The following GALNT9 variants were observed in gnomAD, a reference collection of about 807,000 sequenced individuals.
GALNT9 encodes GalNAc transferase 9.
Under a neutral mutation model 63.1 loss-of-function variants are expected in GALNT9, and 47 were observed. That is an observed-to-expected ratio of 0.75 (90% CI 0.59 to 0.95). The LOEUF (loss-of-function observed/expected upper bound fraction) is 0.95. GALNT9 is among the 40% of genes least tolerant of loss of function. The probability of loss-of-function intolerance (pLI) is 0.00; values close to 1 mark genes in which losing one functional copy is unlikely to be tolerated. For missense variants in GALNT9, 829 were observed against 874.8 expected (o/e 0.95, Z 0.66); for synonymous variants, 396 against 365.7 (o/e 1.08, Z -0.94).
At chr12:132,205,526 G>A (rs2081566497) in intron 6 of GALNT9, 1 of 151,742 alleles carries the variant, frequency 6.6e-6, no homozygotes, top group African/African-American at 2.4e-5. Flanking sequence ...AGCCCAGCCG[G>A]GGACACCCCC....
At chr12:132,224,801 C>CA (rs1593071647) in intron 6 of GALNT9, among the ~76,000 whole-genome samples, 1,739 of 147,216 alleles carry the variant, frequency 0.012, 32 homozygotes, top group East Asian at 0.057. Flanking sequence ...CATACACACA[C>CA]CCCACACACA....
At chr12:132,204,895 T>C (rs1195161047) in intron 6 of GALNT9, among the ~76,000 whole-genome samples, 2 of 151,840 alleles carry the variant, frequency 1.3e-5, no homozygotes, top group Non-Finnish European at 2.9e-5. Flanking sequence ...GCTGGACGAG[T>C]GTGCCAGGCC....
intron 5 of GALNT9, 27 bp from the exon 6 acceptor site, chr12:132,248,054 G>A: frequency 6.5e-7 from 1 of 1,537,352 alleles, no homozygotes; most frequent in Non-Finnish European, 8.8e-7. Context: ...GCGGCGTGAG[G>A]ACCTCGCCAT....
rs1263846222 is a variant in GALNT9 at position 132,305,606 on chromosome 12, C to T, written c.239-19176G>A. On this transcript the variant is annotated intron_variant, in intron 1 of 10. Coordinates refer to ENST00000328957, the MANE Select transcript of GALNT9 (RefSeq NM_001122636.2). ...GCCCTCACCCGGGCACAACCTCACC[C>T]GGGCACACCCTCACCCGGGCACACC... Among the ~76,000 whole-genome samples, 14 of 141,628 alleles carry T rather than the reference C, an allele frequency of 9.9e-5. 1 individual carries two copies. In the East Asian group the frequency reaches 2.6e-3, roughly 26 times the overall value. 92.9% of individuals were successfully genotyped at this position (141,628 alleles called of 152,430 possible). A position where few individuals can be genotyped will look rare whatever the true frequency, so the allele number is the denominator to read the frequency against.
chr12:132,197,532 T>G (rs1875603068), intron 10 of GALNT9, among the ~76,000 whole-genome samples: 1 of 152,220 alleles, frequency 6.6e-6, no homozygotes, highest in South Asian at 2.1e-4. Context: ...CACCTGAGGC[T>G]GGAAGAGGCA....
intron 6 of GALNT9, among the ~76,000 whole-genome samples, chr12:132,235,523 G>A (rs1335468492): frequency 2.0e-5 from 3 of 152,044 alleles, no homozygotes; most frequent in Non-Finnish European, 2.9e-5. Flanking sequence ...AAAGGTACCC[G>A]ACCTCTTTCC....
chr12:132,201,374 C>G, intron 7 of GALNT9, 113 bp from the exon 8 acceptor site: 1 of 674,896 alleles, frequency 1.5e-6, no homozygotes, highest in Non-Finnish European at 2.6e-6. Flanking sequence ...GAGCAGCCTC[C>G]CCCCCAGTAT....
intron 6 of GALNT9, among the ~76,000 whole-genome samples, chr12:132,226,029 C>T (rs1213094292): frequency 5.6e-5 from 8 of 141,764 alleles, no homozygotes; most frequent in South Asian, 2.4e-4. Context: ...ACCCCACATA[C>T]ACCCCATACA....
At chr12:132,197,361 G>A (rs1875588938) in intron 10 of GALNT9, 108 bp from the exon 11 acceptor site, 7 of 1,490,616 alleles carry the variant, frequency 4.7e-6, no homozygotes, top group African/African-American at 1.4e-5. Flanking sequence ...TCATTCTTGG[G>A]GCAGCTTGAA....
intron 1 of GALNT9, among the ~76,000 whole-genome samples, chr12:132,301,489 T>C (rs28469718): frequency 0.28 from 42,261 of 152,214 alleles, 6,767 homozygotes; most frequent in East Asian, 0.43. Context: ...CCGGGGCACA[T>C]AAAGGGTCCC....
chr12:132,328,819 CG>C (rs1869155380), intron 1 of GALNT9, 146 bp downstream of exon 1: 1 of 1,013,288 alleles, frequency 9.9e-7, no homozygotes, highest in Non-Finnish European at 1.3e-6. Flanking sequence ...GGGGCTTCCG[CG>C]GCCCTTCCCT....
Position 132,197,785 on chromosome 12 carries a change from G to A in GALNT9, c.1665+7C>T. 1 of 1,532,618 alleles carries A rather than the reference G, an allele frequency of 6.5e-7. No homozygotes were observed. The highest frequency in any genetic ancestry group is 8.9e-7 in the Non-Finnish European group (1 of 1,127,700). 94.9% of individuals were successfully genotyped at this position (1,532,618 alleles called of 1,614,324 possible). A position where few individuals can be genotyped will look rare whatever the true frequency, so the allele number is the denominator to read the frequency against. Reference sequence around the variant, plus strand: ...AACCCCACGGCCCCCCTTCCCCAGAGGCTGACCTGGGTGAAGTCCCACAGC... The same window carrying A: ...AACCCCACGGCCCCCCTTCCCCAGAAGCTGACCTGGGTGAAGTCCCACAGC... On this transcript the variant is annotated splice_region_variant and intron_variant, in intron 10 of 10. Coordinates refer to ENST00000328957, the MANE Select transcript of GALNT9 (RefSeq NM_001122636.2).
chr12:132,216,061 G>A (rs1163293160), intron 6 of GALNT9, among the ~76,000 whole-genome samples: 1 of 152,112 alleles, frequency 6.6e-6, no homozygotes, highest in African/African-American at 2.4e-5. Flanking sequence ...GATAGACAGA[G>A]ACATAGAGAG....
intron 5 of GALNT9, among the ~76,000 whole-genome samples, chr12:132,249,715 C>G (rs1170313362): frequency 1.3e-5 from 2 of 152,204 alleles, no homozygotes; most frequent in Non-Finnish European, 2.9e-5. Context: ...TTTATTATTG[C>G]TCAGAGTTCT....
Position 132,260,967 on chromosome 12 carries a change from C to T in GALNT9, c.742G>A (p.Val248Ile), listed in dbSNP as rs782623953. The change falls in exon 4 of 11, where the codon GTC (valine) becomes ATC (isoleucine). Residue 248 changes from valine to isoleucine, a missense_variant. Coordinates refer to ENST00000328957, the MANE Select transcript of GALNT9 (RefSeq NM_001122636.2). The part of the protein sequence containing the change: ...APVVGFFDAH[V>I]EFNTGWAEPA... The stretch of plus-strand genomic sequence containing the variant: ...CCTTACCAGCCCGTGTTGAACTCGA[C>T]GTGGGCATCAAAGAAGCCGACGACT... 2.6e-4 allele frequency: 400 copies of T among 1,545,990 alleles called. No individual in the cohort carries two copies. The highest frequency in any genetic ancestry group is 3.3e-4 in the Non-Finnish European group (374 of 1,145,320).
At chr12:132,250,267 T>G (rs1432817365) in intron 5 of GALNT9, among the ~76,000 whole-genome samples, 1 of 146,984 alleles carries the variant, frequency 6.8e-6, no homozygotes, top group Non-Finnish European at 1.5e-5. Context: ...AGTGGATTCG[T>G]GGATGCAGGG....
chr12:132,300,583 G>A (rs1399107409), intron 1 of GALNT9, among the ~76,000 whole-genome samples: 2 of 117,534 alleles, frequency 1.7e-5, no homozygotes, highest in East Asian at 4.7e-4. Flanking sequence ...ACGCACCCCT[G>A]AGATAACCAA....
rs1879564111 is a variant in GALNT9, at chr12:132,265,577, C to T, written c.420-2952G>A. 6.6e-6 allele frequency among the ~76,000 whole-genome samples: 1 copy of T among 152,318 alleles called. No individual in the cohort carries two copies. Among genetic ancestry groups the T allele is most frequent in the Non-Finnish European group, 1.5e-5 (1 of 68,016 alleles). Reference sequence around the variant, plus strand: ...TTGTTCCCTGTGTGAAGCCCCCGGGCCCCTTTTGCAGCAGGCTTCGCAAGG... The same window carrying T: ...TTGTTCCCTGTGTGAAGCCCCCGGGTCCCTTTTGCAGCAGGCTTCGCAAGG... On this transcript the variant is annotated intron_variant, in intron 2 of 10. Coordinates refer to ENST00000328957, the MANE Select transcript of GALNT9 (RefSeq NM_001122636.2). This position sits in a 1 kb window ranked among gnomAD's most constrained non-coding sequence, Gnocchi z 5.3.
At position 132,247,961 on chromosome 12, in the gene GALNT9, C is replaced by T; in HGVS notation, c.1026G>A (p.Leu342=). The change falls in exon 6 of 11, where the codon CTG becomes CTA. Residue 342 remains leucine (L), a synonymous_variant. Transcript: ENST00000328957. ...DREYFGDIGL[L]DPGMEVYGGE... ...CGCCATACACCTCCATGCCGGGGTCCAGCAGCCCAATGTCTCCGAAGTACT... is the reference window on the plus strand; with the variant it reads ...CGCCATACACCTCCATGCCGGGGTCTAGCAGCCCAATGTCTCCGAAGTACT... 6.4e-7 allele frequency: 1 copy of T among 1,551,590 alleles called. No individual in the cohort carries two copies.
Sources: gnomAD v4.1 joint callset for allele counts (sites outside exome capture counted in the v4.1 genomes callset) on GRCh38, gnomAD v4.1.1 for gene constraint, Gnocchi (gnomAD v3.1) non-coding constraint, MANE v1.5 for transcripts, NCBI Gene and HGNC (gene_info 2026-07-23, HGNC 2026-07-21) for gene names.